Variants in PIBF1 observed in about 807,000 individuals in gnomAD.
The protein encoded by PIBF1 is progesterone immunomodulatory binding factor 1.
PIBF1 carries 90 observed loss-of-function variants against 112.5 expected under a neutral mutation model. The observed-to-expected ratio is 0.80, with a 90% confidence interval of 0.67 to 0.95. PIBF1 has a LOEUF of 0.95. Ranked by LOEUF, PIBF1 falls within the 40% of genes least tolerant of loss-of-function variation. The pLI, the probability that PIBF1 is intolerant of heterozygous loss-of-function variation, is 0.00. For missense variants in PIBF1, 915 were observed against 852.3 expected, an observed-to-expected ratio of 1.07 and a Z score of -0.92; for synonymous variants, 301 against 288.6, an observed-to-expected ratio of 1.04 and a Z score of -0.44.
At chr13:73,002,299 G>A (rs2043896149) in intron 17 of PIBF1, among the ~76,000 whole-genome samples, 1 of 152,180 alleles carries the variant, frequency 6.6e-6, no homozygotes, top group Non-Finnish European at 1.5e-5. Context: ...CAGGGAGAAT[G>A]AAAGCTTCAC....
chr13:73,011,240 G>C (rs1372431342), intron 17 of PIBF1, among the ~76,000 whole-genome samples: 1 of 152,162 alleles, frequency 6.6e-6, no homozygotes, highest in Non-Finnish European at 1.5e-5. Context: ...AAAATCCCAT[G>C]GATGGGAACC....
chr13:72,798,260 T>A (rs1482597381), intron 5 of PIBF1, among the ~76,000 whole-genome samples: 2 of 152,222 alleles, frequency 1.3e-5, no homozygotes, highest in African/African-American at 4.8e-5. Context: ...TTGTTGCAAG[T>A]CAATTTTATA....
chr13:72,827,131 T>TA lies in PIBF1; in HGVS notation c.915+13_915+14insA. On this transcript the variant is annotated intron_variant, in intron 7 of 17. Transcript: ENST00000326291. The stretch of plus-strand genomic sequence containing the variant: ...ATTATCAAAAGAGGTAAGCTTATAA[T>TA]TAGAGTCACTTATATTATATAGCAT... The TA allele has an allele frequency of 1.5e-6, 2 of 1,346,266 alleles. No homozygotes were observed. The highest frequency in any genetic ancestry group is 1.0e-6 in the Non-Finnish European group (1 of 956,310). 83.4% of individuals were successfully genotyped at this position (1,346,266 alleles called of 1,614,324 possible).
At chr13:72,981,958 C>T (rs2043167932) in intron 16 of PIBF1, among the ~76,000 whole-genome samples, 1 of 152,154 alleles carries the variant, frequency 6.6e-6, no homozygotes, top group Non-Finnish European at 1.5e-5. Flanking sequence ...TACTTAATAG[C>T]AGTGCATTTT....
rs560388307 is a variant in PIBF1 at position 72,981,074 on chromosome 13, G to A, written c.2049+7399G>A. On this transcript the variant is annotated intron_variant, in intron 16 of 17. Transcript: ENST00000326291. ...AGCCTGGCCAACATGGTGAAACCCT[G>A]TCTCTACTAAAAACACAAAAATTCG... Among the ~76,000 whole-genome samples, 226 of 151,194 alleles carry A rather than the reference G, an allele frequency of 1.5e-3. 1 individual carries two copies. Among genetic ancestry groups the A allele is most frequent in the Middle Eastern group, 3.4e-3 (1 of 292 alleles).
chr13:72,928,221 G>A (rs560945808), intron 13 of PIBF1, among the ~76,000 whole-genome samples: 4 of 151,230 alleles, frequency 2.6e-5, no homozygotes, highest in East Asian at 1.9e-4. Context: ...GGTCCTTCCC[G>A]TCACCATCAA....
At chr13:72,959,679 T>G (rs1225264903) in intron 14 of PIBF1, among the ~76,000 whole-genome samples, 1 of 152,214 alleles carries the variant, frequency 6.6e-6, no homozygotes, top group Non-Finnish European at 1.5e-5. Context: ...AGAGAAAAAT[T>G]GTAATTTTAG....
chr13:72,910,618 T>C (rs915875834), intron 12 of PIBF1, among the ~76,000 whole-genome samples: 1 of 152,150 alleles, frequency 6.6e-6, no homozygotes. Context: ...ATATGACATA[T>C]TAAGTGCTGT....
chr13:72,961,090 T>C (rs1360272487), intron 14 of PIBF1, among the ~76,000 whole-genome samples: 1 of 151,658 alleles, frequency 6.6e-6, no homozygotes, highest in African/African-American at 2.4e-5. Flanking sequence ...GTAGTTAATA[T>C]AACTATCAGA....
At chr13:72,999,941 C>T (rs952086575) in intron 17 of PIBF1, among the ~76,000 whole-genome samples, 3 of 152,158 alleles carry the variant, frequency 2.0e-5, no homozygotes, top group Non-Finnish European at 4.4e-5. Context: ...TGGTGGCACA[C>T]GCCTGTAGTC....
chr13:72,972,706 T>A lies in PIBF1; in HGVS notation c.1965-885T>A, dbSNP rs75300351. On this transcript the variant is annotated intron_variant, in intron 15 of 17. Coordinates refer to ENST00000326291, the MANE Select transcript of PIBF1 (RefSeq NM_006346.4). ...TTTTACCTATTTAAAACAATTCTTG[T>A]TAGTTTTACCCTCACAAATTTTGTC... Among the ~76,000 whole-genome samples the A allele has an allele frequency of 2.4e-4, 36 of 152,312 alleles. 1 individual carries two copies. In the East Asian group the frequency reaches 6.6e-3, roughly 28 times the overall value.
Position 72,991,576 on chromosome 13 carries a change from C to T in PIBF1, c.2050-7246C>T, listed in dbSNP as rs572609046. On this transcript the variant is annotated intron_variant, in intron 16 of 17. Transcript: ENST00000326291. ...AAGCATATCAGATTTTATCAGACTA[C>T]GTTATAGAATAGTATTGAAACGTTT... Among the ~76,000 whole-genome samples the T allele has an allele frequency of 3.3e-5, 5 of 152,144 alleles. No homozygotes were observed. The East Asian group carries it at 9.7e-4, about 29-fold the overall frequency.
chr13:72,914,938 T>G (rs2041029723), intron 12 of PIBF1, among the ~76,000 whole-genome samples: 1 of 152,192 alleles, frequency 6.6e-6, no homozygotes, highest in Non-Finnish European at 1.5e-5. Flanking sequence ...AATTTTTCTG[T>G]ACAGTTGCTC....
intron 5 of PIBF1, among the ~76,000 whole-genome samples, chr13:72,818,028 G>T (rs2036368808): frequency 1.3e-5 from 2 of 151,542 alleles, no homozygotes; most frequent in Non-Finnish European, 2.9e-5. Context: ...GTTTATACTT[G>T]CATATGGTGT....
chr13:72,962,609 A>T (rs556397443), intron 14 of PIBF1, among the ~76,000 whole-genome samples: 1 of 151,668 alleles, frequency 6.6e-6, no homozygotes, highest in East Asian at 1.9e-4. Context: ...AAAAAAAAAA[A>T]GGAAGAAAAC....
intron 9 of PIBF1, among the ~76,000 whole-genome samples, chr13:72,844,754 C>CACGGATGAAGTCTTACTGTTT (rs2037770278): frequency 9.8e-6 from 1 of 102,196 alleles, no homozygotes; most frequent in South Asian, 3.7e-4. Flanking sequence ...CACACACACA[C>CACGGATGAAGTCTTACTGTTT]ACACACACAC....
intron 14 of PIBF1, among the ~76,000 whole-genome samples, chr13:72,954,288 G>A (rs968886964): frequency 1.3e-4 from 20 of 152,202 alleles, no homozygotes; most frequent in Admixed American, 5.9e-4. Flanking sequence ...TCCTGCCAGC[G>A]ATAGAAACCA....
intron 9 of PIBF1, among the ~76,000 whole-genome samples, chr13:72,843,223 C>CAT (rs2037690531): frequency 6.6e-6 from 1 of 152,096 alleles, no homozygotes; most frequent in South Asian, 2.1e-4. Context: ...AGGGAGATCA[C>CAT]GTAGGAGGCT....
chr13:72,930,727 ATGT>A (rs2041671540), intron 13 of PIBF1, among the ~76,000 whole-genome samples: 1 of 152,160 alleles, frequency 6.6e-6, no homozygotes, highest in Non-Finnish European at 1.5e-5. Flanking sequence ...AACATGCATT[ATGT>A]TGTTTAAAGT....
Sources: gnomAD v4.1 joint callset for allele counts (sites outside exome capture counted in the v4.1 genomes callset) on GRCh38, gnomAD v4.1.1 for gene constraint, MANE v1.5 for transcripts, NCBI Gene and HGNC (gene_info 2026-07-23, HGNC 2026-07-21) for gene names.